AFF3: variants seen among roughly 807,000 people sequenced by gnomAD.
The protein encoded by AFF3 is ALF transcription elongation factor 3, also known as AF4/FMR2 family member 3.
A neutral mutation model predicts 129.7 loss-of-function variants in AFF3; 32 were observed. The observed-to-expected ratio is 0.25, with a 90% CI of 0.19 to 0.33. The LOEUF (loss-of-function observed/expected upper bound fraction) is 0.33. AFF3 is among the 10% of genes least tolerant of loss of function. The pLI, the probability that AFF3 is intolerant of heterozygous loss-of-function variation, is 1.00. For missense variants in AFF3, 1,373 were observed against 1,592.0 expected (o/e 0.86, Z 2.34); for synonymous variants, 644 against 635.4 (o/e 1.01, Z -0.20).
At chr2:99,608,715 A>C (rs762154603) in intron 13 of AFF3, among the ~76,000 whole-genome samples, 1 of 152,182 alleles carries the variant, frequency 6.6e-6, no homozygotes, top group African/African-American at 2.4e-5. Flanking sequence ...CCTGGAAACA[A>C]GAGCTCATTA....
At chr2:100,016,281 G>A (rs1683051211) in intron 4 of AFF3, among the ~76,000 whole-genome samples, 1 of 151,362 alleles carries the variant, frequency 6.6e-6, no homozygotes. Context: ...CAGTGGTAGT[G>A]GGGGTGATGA....
chr2:99,572,564 T>A, intron 18 of AFF3: 1 of 455,336 alleles, frequency 2.2e-6, no homozygotes, highest in Non-Finnish European at 4.4e-6. Flanking sequence ...GAACAACAAG[T>A]TCCTCGGCGC....
chr2:100,046,522 C>T lies in AFF3; in HGVS notation c.54-37590G>A, dbSNP rs142236417. Among the ~76,000 whole-genome samples, 69 of 152,326 alleles carry T rather than the reference C, an allele frequency of 4.5e-4. 1 individual carries two copies. The highest frequency in any genetic ancestry group is 1.6e-3 in the African/African-American group (66 of 41,578). On this transcript the variant is annotated intron_variant, in intron 4 of 24. Transcript: ENST00000672756. ...CTGGGCTGCAGTTTAGGTCCTCCCACTGCTGAGTTCCCTCACTTCATCTCC... is the reference window on the plus strand; with the variant it reads ...CTGGGCTGCAGTTTAGGTCCTCCCATTGCTGAGTTCCCTCACTTCATCTCC...
chr2:100,118,600 A>G (rs547865381), intron 2 of AFF3, among the ~76,000 whole-genome samples: 3 of 152,222 alleles, frequency 2.0e-5, no homozygotes, highest in African/African-American at 7.2e-5. Flanking sequence ...AGTATTTTAG[A>G]TTGAAAATGG....
intron 7 of AFF3, among the ~76,000 whole-genome samples, chr2:99,948,245 C>G (rs1481946755): frequency 6.6e-6 from 1 of 152,032 alleles, no homozygotes; most frequent in African/African-American, 2.4e-5. Flanking sequence ...CTGCCTGTGT[C>G]CACCTTTTTT....
intron 7 of AFF3, among the ~76,000 whole-genome samples, chr2:99,884,101 T>C (rs759411604): frequency 8.3e-4 from 126 of 152,232 alleles, no homozygotes; most frequent in Non-Finnish European, 1.3e-3. Context: ...TTAGGAGAGA[T>C]TGGTCCATAA....
chr2:100,122,076 T>A (rs1035188001), intron 2 of AFF3, among the ~76,000 whole-genome samples: 45 of 152,094 alleles, frequency 3.0e-4, no homozygotes, highest in East Asian at 5.8e-4. Context: ...CTCAAAAAAA[T>A]AAATAAATAA....
At chr2:99,585,163 A>T (rs1677970480) in intron 16 of AFF3, among the ~76,000 whole-genome samples, 1 of 152,254 alleles carries the variant, frequency 6.6e-6, no homozygotes, top group Non-Finnish European at 1.5e-5. Context: ...AATGTGAGTG[A>T]AGAAAGACCT....
At chr2:99,831,230 T>C (rs1354570993) in intron 8 of AFF3, among the ~76,000 whole-genome samples, 2 of 152,376 alleles carry the variant, frequency 1.3e-5, no homozygotes, top group South Asian at 4.1e-4. Context: ...ATCTGCTGTA[T>C]GCTTCTTAAT....
chr2:99,580,904 A>C (rs546427605), intron 17 of AFF3: 2 of 152,416 alleles, frequency 1.3e-5, no homozygotes, highest in South Asian at 4.1e-4. Context: ...TCTCAAAAAA[A>C]ACCCAAAAAA....
At chr2:99,719,354 T>C (rs1678683660) in intron 11 of AFF3, among the ~76,000 whole-genome samples, 1 of 152,176 alleles carries the variant, frequency 6.6e-6, no homozygotes, top group African/African-American at 2.4e-5. Context: ...TATGCTAATA[T>C]GTTGTGAATA....
chr2:99,669,907 G>A (rs991854986), intron 12 of AFF3, among the ~76,000 whole-genome samples: 8 of 152,180 alleles, frequency 5.3e-5, no homozygotes, highest in Admixed American at 2.0e-4. Context: ...CCAAGGTCAT[G>A]CCACTGCACT....
chr2:99,956,791 A>G (rs1220111394), intron 7 of AFF3, among the ~76,000 whole-genome samples: 1 of 152,204 alleles, frequency 6.6e-6, no homozygotes, highest in Non-Finnish European at 1.5e-5. Context: ...TCTGGCAAGG[A>G]GTTTCTGAGA....
At chr2:99,591,375 T>C in intron 15 of AFF3, among the ~76,000 whole-genome samples, 1 of 152,024 alleles carries the variant, frequency 6.6e-6, no homozygotes, top group Non-Finnish European at 1.5e-5. Context: ...TTAGTAGAGA[T>C]GGGATTTTAC....
chr2:100,125,301 C>T (rs1224873640), intron 2 of AFF3, among the ~76,000 whole-genome samples: 2 of 151,848 alleles, frequency 1.3e-5, no homozygotes, highest in Non-Finnish European at 2.9e-5. Context: ...GCTATATCCT[C>T]AATTTTCATA....
intron 1 of AFF3, among the ~76,000 whole-genome samples, chr2:100,130,694 G>T (rs1692395166): frequency 6.6e-6 from 1 of 152,132 alleles, no homozygotes; most frequent in Non-Finnish European, 1.5e-5. Flanking sequence ...AGGTTTGTGA[G>T]CAAAATCACT....
rs761113019 is a variant in AFF3, at chr2:100,008,833, A to T, written c.153T>A (p.Ser51=). The T allele has an allele frequency of 5.6e-6, 9 of 1,613,944 alleles. No individual in the cohort carries two copies. The African/African-American group carries it at 8.0e-5, about 14-fold the overall frequency. The part of the protein sequence containing the change: ...QDDGTFNSSY[S]LFSEPYKTNK... ...CTACCTTGTAGGGCTCACTGAAGAGAGAGTAACTAGAATTAAACGTGCCAT... is the reference window on the plus strand; with the variant it reads ...CTACCTTGTAGGGCTCACTGAAGAGTGAGTAACTAGAATTAAACGTGCCAT... Residue 51 remains serine (S), a synonymous_variant, in exon 5 of 25, where the codon TCT becomes TCA. Transcript: ENST00000672756.
At chr2:99,944,544 T>C (rs1002369681) in intron 7 of AFF3, among the ~76,000 whole-genome samples, 6 of 152,218 alleles carry the variant, frequency 3.9e-5, no homozygotes, top group Non-Finnish European at 5.9e-5. Flanking sequence ...CAGTGATGAA[T>C]GGAGAATGGG....
chr2:99,585,508 AG>A (rs1678013651), intron 16 of AFF3, among the ~76,000 whole-genome samples: 1 of 152,172 alleles, frequency 6.6e-6, no homozygotes, highest in South Asian at 2.1e-4. Flanking sequence ...CAGAACTAAG[AG>A]GCTCTTCCAG....
Sources: gnomAD v4.1 joint callset for allele counts (sites outside exome capture counted in the v4.1 genomes callset) on GRCh38, gnomAD v4.1.1 for gene constraint, MANE v1.5 for transcripts, NCBI Gene and HGNC (gene_info 2026-07-23, HGNC 2026-07-21) for gene names.